SLC17A2: variants seen among roughly 807,000 people sequenced by gnomAD.
SLC17A2 encodes solute carrier family 17 member 2, also known as sodium-dependent phosphate transport protein 3.
In SLC17A2, 38 loss-of-function variants were observed where a neutral mutation model predicts 52.1. That is an observed-to-expected ratio of 0.73 (90% CI 0.56 to 0.96). The LOEUF is 0.96. Ranked by LOEUF, SLC17A2 falls within the 40% of genes least tolerant of loss-of-function variation. SLC17A2 has a pLI of 0.00. For synonymous variants in SLC17A2, 226 were observed against 211.9 expected (o/e 1.07, Z -0.58); for missense variants, 508 against 583.9 (o/e 0.87, Z 1.34).
At chr6:25,920,584 G>A (rs1295797820) in intron 5 of SLC17A2, among the ~76,000 whole-genome samples, 1 of 152,154 alleles carries the variant, frequency 6.6e-6, no homozygotes, top group Non-Finnish European at 1.5e-5. Flanking sequence ...GAATAATACA[G>A]AAACTTCAAA....
In SLC17A2 at chr6:25,925,842, CT is replaced by C. The variant is rs1561882795; in HGVS notation, c.-47del. On this transcript the variant is annotated 5_prime_UTR_variant, in exon 2 of 12. Transcript: ENST00000377850. ...TACCACGCTTTGTGGTGGAGTTTCCCTGTGCCCTGAATCTCTTTTACTACGA... is the reference window on the plus strand; with the variant it reads ...TACCACGCTTTGTGGTGGAGTTTCCCGTGCCCTGAATCTCTTTTACTACGA... 1.2e-6 allele frequency: 2 copies of C among 1,604,152 alleles called. No homozygotes were observed. Among genetic ancestry groups the C allele is most frequent in the Non-Finnish European group, 8.5e-7 (1 of 1,170,878 alleles).
At chr6:25,929,949 A>G (rs1296531660) in intron 1 of SLC17A2, among the ~76,000 whole-genome samples, 2 of 152,136 alleles carry the variant, frequency 1.3e-5, no homozygotes, top group Non-Finnish European at 2.9e-5. Context: ...CGCACTATGC[A>G]TGCGCATAGG....
At chr6:25,918,419 G>C in intron 6 of SLC17A2, 68 bp downstream of exon 6, 1 of 921,036 alleles carries the variant, frequency 1.1e-6, no homozygotes. Flanking sequence ...GAAGAATGTG[G>C]GTGGTGTAGG....
intron 1 of SLC17A2, among the ~76,000 whole-genome samples, chr6:25,929,408 TAAAC>T (rs1200497603): frequency 6.6e-6 from 1 of 152,202 alleles, no homozygotes; most frequent in Admixed American, 6.5e-5. Context: ...GCAATAATAA[TAAAC>T]AGTCACAATA....
chr6:25,923,694 C>T lies in SLC17A2; in HGVS notation c.240+1G>A, dbSNP rs776619184. On this transcript the variant is annotated splice_donor_variant, in intron 3 of 11. Coordinates refer to ENST00000377850, the MANE Select transcript of SLC17A2 (RefSeq NM_001286123.3). LOFTEE classifies it high-confidence loss of function. ...AGAGCCCTATTTTCCATCATACTTA[C>T]CTTTGTATCAAATTCCTTGATGGAT... 6.2e-7 allele frequency: 1 copy of T among 1,612,290 alleles called. No homozygotes were observed. Among genetic ancestry groups the T allele is most frequent in the African/African-American group, 1.3e-5 (1 of 74,908 alleles).
intron 2 of SLC17A2, 53 bp downstream of exon 2, chr6:25,925,716 G>T: frequency 6.6e-7 from 1 of 1,505,232 alleles, no homozygotes; most frequent in Non-Finnish European, 9.3e-7. Flanking sequence ...TAAATGTGTC[G>T]GAATAAGCTT....
At chr6:25,915,178 T>TATATA (rs1766260895) in intron 10 of SLC17A2, among the ~76,000 whole-genome samples, 1 of 105,624 alleles carries the variant, frequency 9.5e-6, no homozygotes, top group African/African-American at 3.2e-5. Context: ...TATATATATA[T>TATATA]GGTAGCTAAT....
At chr6:25,924,058 T>TTGAC (rs1404442207) in intron 2 of SLC17A2, 152 bp from the exon 3 acceptor site, 6 of 644,812 alleles carry the variant, frequency 9.3e-6, no homozygotes, top group Non-Finnish European at 1.3e-5. Context: ...CAAACCCACT[T>TTGAC]TGTCAAATTA....
At position 25,913,374 on chromosome 6, in the gene SLC17A2, C is replaced by T. The variant is rs137914186; in HGVS notation, c.1380G>A (p.Thr460=). 1.2e-5 allele frequency: 19 copies of T among 1,613,952 alleles called. No homozygotes were observed. In the East Asian group the frequency reaches 2.0e-4, roughly 17 times the overall value. ...VNMFGLVFYL[T]FGQAELQDWA... ...AGTCTTGAAGTTCTGCTTGTCCAAA[C>T]GTGAGGTAAAAGACCAGGCCAAACA... Residue 460 remains threonine, a synonymous_variant, in exon 12 of 12, where the codon ACG becomes ACA. Coordinates refer to ENST00000377850, the MANE Select transcript of SLC17A2 (RefSeq NM_001286123.3).
intron 1 of SLC17A2, among the ~76,000 whole-genome samples, chr6:25,929,483 T>C (rs1766877018): frequency 6.6e-6 from 1 of 152,248 alleles, no homozygotes; most frequent in African/African-American, 2.4e-5. Flanking sequence ...AATGTATTTC[T>C]ATAAAAGTGC....
At chr6:25,919,878 C>T (rs1766487886) in intron 5 of SLC17A2, among the ~76,000 whole-genome samples, 1 of 151,964 alleles carries the variant, frequency 6.6e-6, no homozygotes, top group African/African-American at 2.4e-5. Flanking sequence ...CAGCCAATGT[C>T]CAGTGCCACT....
chr6:25,929,690 T>C (rs1352621578), intron 1 of SLC17A2, among the ~76,000 whole-genome samples: 2 of 152,176 alleles, frequency 1.3e-5, no homozygotes, highest in Non-Finnish European at 2.9e-5. Flanking sequence ...TGTCCCTGGG[T>C]GCCTTTTCTT....
chr6:25,926,057 T>C (rs941949204), intron 1 of SLC17A2, among the ~76,000 whole-genome samples, 178 bp from the exon 2 acceptor site: 2 of 152,234 alleles, frequency 1.3e-5, no homozygotes, highest in African/African-American at 2.4e-5. Context: ...GGCTGTAAGT[T>C]CCAGCTGTGT....
In SLC17A2 at chr6:25,919,699, CAAAAAAAAAAAA is replaced by C. The variant is rs766352177; in HGVS notation, c.563-1138_563-1127del. On this transcript the variant is annotated intron_variant, in intron 5 of 11. Coordinates refer to ENST00000377850, the MANE Select transcript of SLC17A2 (RefSeq NM_001286123.3). The stretch of plus-strand genomic sequence containing the variant: ...TGGGCGAAAGAGTGAGACACCGTCT[CAAAAAAAAAAAA>C]AAAAAAAAAAAAAAAAGGTTTAGGA... Among the ~76,000 whole-genome samples the C allele has an allele frequency of 4.8e-3, 148 of 31,154 alleles. 4 individuals are homozygous for C. The South Asian group carries it at 0.15, about 31-fold the overall frequency. The allele number at this position is 31,154 out of a possible 152,430, so 20.4% of individuals were successfully genotyped here. A position where few individuals can be genotyped will look rare whatever the true frequency, so the allele number is the denominator to read the frequency against.
chr6:25,916,631 T>A, intron 8 of SLC17A2, 54 bp downstream of exon 8: 2 of 1,434,640 alleles, frequency 1.4e-6, no homozygotes, highest in Non-Finnish European at 2.0e-6. Context: ...AACACAGAAC[T>A]GTTTCTCCTT....
intron 9 of SLC17A2, 33 bp downstream of exon 9, chr6:25,915,703 A>T: frequency 6.2e-7 from 1 of 1,613,164 alleles, no homozygotes; most frequent in Non-Finnish European, 8.5e-7. Flanking sequence ...CAGAAAAGGG[A>T]TTGGTTAAAT....
intron 3 of SLC17A2, among the ~76,000 whole-genome samples, chr6:25,922,833 A>C (rs186947088): frequency 2.5e-4 from 38 of 152,308 alleles, no homozygotes; most frequent in Admixed American, 1.2e-3. Flanking sequence ...AGATGTTATA[A>C]CTGGTTCAAA....
Position 25,923,753 on chromosome 6 carries a change from C to A in SLC17A2, c.182G>T (p.Gly61Val). 1 of 1,614,114 alleles carries A rather than the reference C, an allele frequency of 6.2e-7. No individual in the cohort carries two copies. The highest frequency in any genetic ancestry group is 8.5e-7 in the Non-Finnish European group (1 of 1,180,028). ...GTTATTGAAGGCATCTGCAACAGGC[C>A]CCTCAGTGGAGGCATTAGATAGACC... is the stretch of plus-strand genomic sequence containing the variant. ...QQGLSNASTEGPVADAFNNSS... is the reference protein window; with the variant it reads ...QQGLSNASTEVPVADAFNNSS... The change falls in exon 3 of 12, where the codon GGG becomes GTG. Residue 61 changes from glycine to valine, a missense_variant. Physicochemically the swap from Gly to Val is moderately radical, Grantham distance 109 (BLOSUM62 -3). Transcript: ENST00000377850.
At position 25,917,078 on chromosome 6, in the gene SLC17A2, C is replaced by T; in HGVS notation, c.659G>A (p.Gly220Asp). ...PFIFYIFGST[G>D]CVCCLLWFTV... Reference sequence around the variant, plus strand: ...GAACCATAGGAGACAGCAGACACAGCCAGTGCTACCTGGGAAGAAGGGATA... The same window carrying T: ...GAACCATAGGAGACAGCAGACACAGTCAGTGCTACCTGGGAAGAAGGGATA... The change falls in exon 7 of 12, where the codon GGC (glycine) becomes GAC (aspartate). Residue 220 changes from glycine (G) to aspartate (D), a missense_variant. Gly to Asp is a moderately conservative substitution (Grantham distance 94). Transcript: ENST00000377850. 6.2e-7 allele frequency: 1 copy of T among 1,612,998 alleles called. No individual in the cohort carries two copies. The highest frequency in any genetic ancestry group is 8.5e-7 in the Non-Finnish European group (1 of 1,179,070).
Sources: allele counts gnomAD v4.1 joint callset (sites outside exome capture counted in the v4.1 genomes callset), GRCh38; gene constraint gnomAD v4.1.1; transcripts MANE v1.5; gene names NCBI Gene and HGNC (gene_info 2026-07-23, HGNC 2026-07-21).